RPS6KC1: variants seen among roughly 807,000 people sequenced by gnomAD.
RPS6KC1 encodes the protein ribosomal protein S6 kinase C1.
RPS6KC1 carries 54 observed loss-of-function variants against 103.8 expected under a neutral mutation model. The ratio of observed to expected loss-of-function variants is 0.52; its 90% confidence interval spans 0.42 to 0.65. The LOEUF (loss-of-function observed/expected upper bound fraction) is 0.65, where lower values mean the gene tolerates loss of function less well. Ranked by LOEUF, RPS6KC1 falls within the 30% of genes least tolerant of loss-of-function variation. The probability of loss-of-function intolerance (pLI) is 0.00; values close to 1 mark genes in which losing one functional copy is unlikely to be tolerated. For missense variants in RPS6KC1, 1,151 were observed against 1,253.8 expected (o/e 0.92, Z 1.24); for synonymous variants, 439 against 438.7 (o/e 1.00, Z -0.01).
At chr1:213,152,888 C>A (rs1382937022) in intron 6 of RPS6KC1, among the ~76,000 whole-genome samples, 2 of 152,206 alleles carry the variant, frequency 1.3e-5, no homozygotes, top group Admixed American at 1.3e-4. Context: ...CCAAGGCAGG[C>A]GGCTGGGAGG....
intron 8 of RPS6KC1, among the ~76,000 whole-genome samples, chr1:213,214,854 G>A (rs1057234710): frequency 3.9e-5 from 6 of 152,008 alleles, no homozygotes; most frequent in Admixed American, 2.6e-4. Context: ...CAGAAAGGAC[G>A]TCGACACCAA....
chr1:213,628,809 C>A, the RPS6KC1 span, among the ~76,000 whole-genome samples: 1 of 152,096 alleles, frequency 6.6e-6, no homozygotes, highest in Admixed American at 6.5e-5. Flanking sequence ...TTTCAAAGAA[C>A]GTCTTTATAT....
intron 3 of RPS6KC1, among the ~76,000 whole-genome samples, chr1:213,087,880 C>G (rs1429369045): frequency 6.6e-6 from 1 of 152,174 alleles, no homozygotes; most frequent in East Asian, 1.9e-4. Context: ...CTTGTTCCCC[C>G]TCCCTGCCAA....
the RPS6KC1 span, among the ~76,000 whole-genome samples, chr1:213,366,304 A>AC: frequency 6.6e-6 from 1 of 152,220 alleles, no homozygotes; most frequent in Non-Finnish European, 1.5e-5. Context: ...TGAATGGGAA[A>AC]CGACTCTGTG....
chr1:213,152,493 G>C (rs571069480), intron 6 of RPS6KC1, among the ~76,000 whole-genome samples: 4 of 151,564 alleles, frequency 2.6e-5, no homozygotes, highest in African/African-American at 9.7e-5. Context: ...CGGGGTGGCT[G>C]CCGGGCGGAG....
At chr1:213,151,123 G>A (rs1171756795) in intron 6 of RPS6KC1, among the ~76,000 whole-genome samples, 9 of 143,186 alleles carry the variant, frequency 6.3e-5, no homozygotes, top group South Asian at 2.3e-4. Flanking sequence ...GCGGGGGGCT[G>A]ACCCCCCCAC....
the RPS6KC1 span, among the ~76,000 whole-genome samples, chr1:213,465,810 T>C: frequency 6.6e-6 from 1 of 152,128 alleles, no homozygotes; most frequent in East Asian, 1.9e-4. Flanking sequence ...CTATTAAATA[T>C]GTAAGTTTGA....
intron 6 of RPS6KC1, among the ~76,000 whole-genome samples, chr1:213,154,561 A>C (rs1489081586): frequency 2.0e-5 from 3 of 152,218 alleles, no homozygotes; most frequent in Non-Finnish European, 4.4e-5. Flanking sequence ...CTACTGCCAG[A>C]ATACTGCTGG....
chr1:213,221,672 A>G (rs765804859), intron 8 of RPS6KC1, among the ~76,000 whole-genome samples: 17 of 152,224 alleles, frequency 1.1e-4, no homozygotes, highest in Non-Finnish European at 1.8e-4. Flanking sequence ...GTGTTCTTAT[A>G]GAAGTATTTA....
At chr1:213,723,576 C>T in the RPS6KC1 span, among the ~76,000 whole-genome samples, 1 of 152,184 alleles carries the variant, frequency 6.6e-6, no homozygotes, top group Non-Finnish European at 1.5e-5. Flanking sequence ...CCTTAGTTAC[C>T]TACTTAAGGA....
At chr1:213,532,552 A>T in the RPS6KC1 span, among the ~76,000 whole-genome samples, 9 of 152,022 alleles carry the variant, frequency 5.9e-5, no homozygotes, top group African/African-American at 2.2e-4. Context: ...CTGCTTACTA[A>T]GAACCGTCTT....
the RPS6KC1 span, chr1:213,835,818 G>C: frequency 2.0e-5 from 3 of 152,178 alleles, no homozygotes; most frequent in Non-Finnish European, 4.4e-5. Context: ...GGGAGATGAA[G>C]AGTCTATGAG....
chr1:213,088,349 C>T (rs940622623), intron 3 of RPS6KC1, among the ~76,000 whole-genome samples: 44 of 152,188 alleles, frequency 2.9e-4, no homozygotes, highest in African/African-American at 9.9e-4. Context: ...TTTATTGTTA[C>T]TCCACTCTCA....
chr1:213,076,716 T>A (rs971309493), intron 2 of RPS6KC1, among the ~76,000 whole-genome samples: 1 of 152,144 alleles, frequency 6.6e-6, no homozygotes, highest in African/African-American at 2.4e-5. Flanking sequence ...AGATGATATT[T>A]TGTTTTTTAA....
chr1:213,750,257 A>G, the RPS6KC1 span, among the ~76,000 whole-genome samples: 1 of 152,242 alleles, frequency 6.6e-6, no homozygotes, highest in African/African-American at 2.4e-5. Flanking sequence ...GCAATGCTTT[A>G]AACTTTCACA....
At chr1:213,051,738 G>T (rs1257027933) in intron 1 of RPS6KC1, among the ~76,000 whole-genome samples, 1 of 152,164 alleles carries the variant, frequency 6.6e-6, no homozygotes, top group Non-Finnish European at 1.5e-5. Context: ...CTCTTTCTGG[G>T]GGTGGGGCAG....
At chr1:213,093,147 G>A (rs2081140259) in intron 3 of RPS6KC1, among the ~76,000 whole-genome samples, 1 of 151,232 alleles carries the variant, frequency 6.6e-6, no homozygotes, top group Non-Finnish European at 1.5e-5. Context: ...TTTGATAACT[G>A]TAATGAACCT....
chr1:213,474,937 AAG>A, the RPS6KC1 span, among the ~76,000 whole-genome samples: 1 of 152,164 alleles, frequency 6.6e-6, no homozygotes, highest in Non-Finnish European at 1.5e-5. Context: ...CCCTGGATAC[AAG>A]AGAGTTCCTT....
the RPS6KC1 span, among the ~76,000 whole-genome samples, chr1:213,279,804 G>GA: frequency 6.6e-6 from 1 of 152,012 alleles, no homozygotes; most frequent in Admixed American, 6.6e-5. Flanking sequence ...TTAGGAAAAT[G>GA]AAAAAAATAA....
Sources: gnomAD v4.1 joint callset for allele counts (sites outside exome capture counted in the v4.1 genomes callset) on GRCh38, gnomAD v4.1.1 for gene constraint, MANE v1.5 for transcripts, NCBI Gene and HGNC (gene_info 2026-07-23, HGNC 2026-07-21) for gene names.